Variants in ZZZ3 observed in about 807,000 individuals in gnomAD.
ZZZ3 encodes ZZ-type zinc finger-containing protein 3.
ZZZ3 carries 22 observed loss-of-function variants against 95.2 expected under a neutral mutation model. The observed-to-expected ratio is 0.23, with a 90% CI of 0.17 to 0.33. The LOEUF (loss-of-function observed/expected upper bound fraction) is 0.33. Ranked by LOEUF, ZZZ3 falls within the 10% of genes least tolerant of loss-of-function variation. The pLI is 1.00. For missense variants in ZZZ3, 885 were observed against 1,066.5 expected (o/e 0.83, Z 2.37); for synonymous variants, 335 against 358.9 (o/e 0.93, Z 0.75).
chr1:77,627,371 T>C (rs1667428574), intron 5 of ZZZ3, among the ~76,000 whole-genome samples: 1 of 152,162 alleles, frequency 6.6e-6, no homozygotes, highest in Non-Finnish European at 1.5e-5. Context: ...TTATTCAGGG[T>C]AGGATGACTC....
intron 5 of ZZZ3, among the ~76,000 whole-genome samples, chr1:77,629,646 C>CA (rs1307908679): frequency 6.6e-6 from 1 of 151,848 alleles, no homozygotes; most frequent in African/African-American, 2.4e-5. Flanking sequence ...AACAAACAAA[C>CA]AAAAAAAGTG....
chr1:77,663,945 T>C (rs1671040642), intron 1 of ZZZ3, among the ~76,000 whole-genome samples: 2 of 152,066 alleles, frequency 1.3e-5, no homozygotes, highest in African/African-American at 4.8e-5. Flanking sequence ...AGACGGGGTT[T>C]CATCATATTG....
intron 5 of ZZZ3, among the ~76,000 whole-genome samples, chr1:77,618,546 T>C (rs554862276): frequency 6.6e-6 from 1 of 152,272 alleles, no homozygotes; most frequent in African/African-American, 2.4e-5. Context: ...AGAGAGTATA[T>C]ATAATCTTGA....
At chr1:77,642,251 C>T (rs1400905897) in intron 1 of ZZZ3, among the ~76,000 whole-genome samples, 1 of 152,124 alleles carries the variant, frequency 6.6e-6, no homozygotes, top group Non-Finnish European at 1.5e-5. Context: ...AATAGATCTA[C>T]ACACTTACAT....
At chr1:77,628,060 C>A (rs1050503897) in intron 5 of ZZZ3, among the ~76,000 whole-genome samples, 2 of 152,210 alleles carry the variant, frequency 1.3e-5, no homozygotes, top group African/African-American at 4.8e-5. Context: ...ATCTTCCACA[C>A]TTGTGCTTCC....
intron 5 of ZZZ3, among the ~76,000 whole-genome samples, chr1:77,593,487 A>T (rs72683646): frequency 0.011 from 1,750 of 152,334 alleles, 9 homozygotes; most frequent in Non-Finnish European, 0.018. Context: ...TGTTAAAAGG[A>T]TACACATATA....
intron 5 of ZZZ3, among the ~76,000 whole-genome samples, chr1:77,614,438 C>A (rs1469120269): frequency 6.6e-6 from 1 of 152,228 alleles, no homozygotes; most frequent in Non-Finnish European, 1.5e-5. Flanking sequence ...TCTCTTGATT[C>A]TGTAACTTAG....
chr1:77,615,579 T>C (rs1666230249), intron 5 of ZZZ3, among the ~76,000 whole-genome samples: 1 of 152,228 alleles, frequency 6.6e-6, no homozygotes, highest in Non-Finnish European at 1.5e-5. Flanking sequence ...TAGTGAGACA[T>C]GAAAGGACAT....
At chr1:77,633,755 C>T (rs1372098006) in intron 4 of ZZZ3, among the ~76,000 whole-genome samples, 3 of 152,226 alleles carry the variant, frequency 2.0e-5, no homozygotes, top group Non-Finnish European at 4.4e-5. Context: ...AAGGTCACAA[C>T]TCTAGTAAGT....
intron 1 of ZZZ3, among the ~76,000 whole-genome samples, chr1:77,662,335 G>A (rs758642607): frequency 2.6e-5 from 4 of 151,886 alleles, no homozygotes; most frequent in Non-Finnish European, 5.9e-5. Flanking sequence ...GTAGAGACAA[G>A]TTCTCGCTAT....
chr1:77,583,290 T>C (rs1662720307), intron 6 of ZZZ3, among the ~76,000 whole-genome samples: 1 of 152,046 alleles, frequency 6.6e-6, no homozygotes, highest in South Asian at 2.1e-4. Flanking sequence ...AAAGTAAAAA[T>C]TTCGTTTCAA....
chr1:77,570,177 A>C (rs1198179499), intron 12 of ZZZ3, among the ~76,000 whole-genome samples: 1 of 152,038 alleles, frequency 6.6e-6, no homozygotes, highest in African/African-American at 2.4e-5. Flanking sequence ...ATCTTGGCTC[A>C]CTGCAAACTC....
intron 5 of ZZZ3, among the ~76,000 whole-genome samples, chr1:77,627,269 C>T (rs1045085725): frequency 2.0e-5 from 3 of 152,132 alleles, no homozygotes; most frequent in Non-Finnish European, 4.4e-5. Context: ...CGGTGCCTAT[C>T]CTGTCTACTT....
At chr1:77,577,793 G>A (rs1447962134) in intron 11 of ZZZ3, among the ~76,000 whole-genome samples, 1 of 152,150 alleles carries the variant, frequency 6.6e-6, no homozygotes, top group Non-Finnish European at 1.5e-5. Context: ...GCTAATTTTT[G>A]TATTCTTAGT....
chr1:77,635,099 A>G (rs138158605), intron 4 of ZZZ3, among the ~76,000 whole-genome samples: 2,587 of 152,288 alleles, frequency 0.017, 34 homozygotes, highest in Middle Eastern at 0.068. Flanking sequence ...CTAACAGTGG[A>G]AAGTTTGGAA....
intron 1 of ZZZ3, among the ~76,000 whole-genome samples, chr1:77,642,582 C>T (rs978719077): frequency 3.2e-5 from 2 of 63,408 alleles, no homozygotes; most frequent in South Asian, 1.2e-3. Context: ...CTTCTCTAAA[C>T]AAAACAAAAA....
intron 12 of ZZZ3, among the ~76,000 whole-genome samples, chr1:77,573,953 C>T (rs1052048598): frequency 6.6e-6 from 1 of 151,140 alleles, no homozygotes; most frequent in Non-Finnish European, 1.5e-5. Flanking sequence ...ATATTAACAG[C>T]AACAAAAAGA....
chr1:77,591,364 T>A (rs1347888159), intron 5 of ZZZ3, among the ~76,000 whole-genome samples: 3 of 152,136 alleles, frequency 2.0e-5, no homozygotes, highest in African/African-American at 7.2e-5. Flanking sequence ...TTTTCTTTCA[T>A]TATAGATGGT....
chr1:77,574,091 GAT>G (rs895682452), intron 12 of ZZZ3, among the ~76,000 whole-genome samples: 1 of 147,334 alleles, frequency 6.8e-6, no homozygotes, highest in African/African-American at 2.5e-5. Flanking sequence ...TCTGTAGTGG[GAT>G]ATATATATAT....
Sources: gnomAD v4.1 joint callset for allele counts (sites outside exome capture counted in the v4.1 genomes callset) on GRCh38, gnomAD v4.1.1 for gene constraint, MANE v1.5 for transcripts, NCBI Gene and HGNC (gene_info 2026-07-23, HGNC 2026-07-21) for gene names.